Variants in NME7 observed in about 807,000 individuals in gnomAD.
NME7 encodes the protein nucleoside diphosphate kinase 7.
NME7 carries 41 observed loss-of-function variants against 49.1 expected under a neutral mutation model. That is an observed-to-expected ratio of 0.83 (90% CI 0.65 to 1.08). The LOEUF (loss-of-function observed/expected upper bound fraction) is 1.08. Among genes scored for constraint, NME7 ranks in the 50% least tolerant of loss-of-function variants. NME7 has a pLI of 0.00. For missense variants in NME7, 423 were observed against 463.4 expected (o/e 0.91, Z 0.80); for synonymous variants, 139 against 150.6 (o/e 0.92, Z 0.56).
chr1:169,249,625 T>C (rs1014151662), intron 7 of NME7, among the ~76,000 whole-genome samples: 1 of 152,130 alleles, frequency 6.6e-6, no homozygotes, highest in Non-Finnish European at 1.5e-5. Context: ...GTCTGTCATA[T>C]ATGGCTTTCA....
At chr1:169,145,811 A>G (rs186252585) in intron 11 of NME7, among the ~76,000 whole-genome samples, 24 of 152,350 alleles carry the variant, frequency 1.6e-4, no homozygotes, top group African/African-American at 5.5e-4. Flanking sequence ...CTAGAAACAA[A>G]AACAGCATCC....
At chr1:169,359,511 A>G (rs1252950493) in intron 1 of NME7, among the ~76,000 whole-genome samples, 2 of 152,028 alleles carry the variant, frequency 1.3e-5, no homozygotes, top group Admixed American at 6.6e-5. Context: ...TGACCAGGAT[A>G]TTACACAAAA....
At chr1:169,278,052 A>C (rs1649818349) in intron 7 of NME7, among the ~76,000 whole-genome samples, 2 of 151,744 alleles carry the variant, frequency 1.3e-5, no homozygotes, top group Admixed American at 1.3e-4. Flanking sequence ...CTGCCGAGAG[A>C]TCCGCTGTTA....
At position 169,261,379 on chromosome 1, in the gene NME7, G is replaced by C. The variant is rs1317580051; in HGVS notation, c.755-23692C>G. 2.2e-5 allele frequency among the ~76,000 whole-genome samples: 3 copies of C among 133,696 alleles called. 1 individual carries two copies. Among genetic ancestry groups the C allele is most frequent in the Non-Finnish European group, 5.3e-5 (3 of 56,876 alleles). The allele number at this position is 133,696 out of a possible 152,430, so 87.7% of individuals were successfully genotyped here. On this transcript the variant is annotated intron_variant, in intron 7 of 11. Transcript: ENST00000367811. ...TCAATCTAAGCACTGTCTAGCAACA[G>C]ATCAAGATTTACCGTTATTTTCATT...
In NME7 at chr1:169,256,977, C is replaced by T. The variant is rs1426234140; in HGVS notation, c.755-19290G>A. ...CACTGCTCTCTTCAAAGCTGTCAGA[C>T]AGCGACATTTAAGTCTGCAGAGGTT... On this transcript the variant is annotated intron_variant, in intron 7 of 11. Coordinates refer to ENST00000367811, the MANE Select transcript of NME7 (RefSeq NM_013330.5). Among the ~76,000 whole-genome samples, 2 of 125,948 alleles carry T rather than the reference C, an allele frequency of 1.6e-5. 1 individual carries two copies. Among genetic ancestry groups the T allele is most frequent in the Non-Finnish European group, 3.7e-5 (2 of 53,890 alleles). The allele number at this position is 125,948 out of a possible 152,430, so 82.6% of individuals were successfully genotyped here.
intron 7 of NME7, chr1:169,284,924 A>C (rs531589050): frequency 6.6e-6 from 1 of 152,270 alleles, no homozygotes; most frequent in South Asian, 2.1e-4. Context: ...GGATTAGATC[A>C]GGTAAATTGA....
intron 3 of NME7, chr1:169,322,453 A>C (rs1172085444): frequency 6.6e-6 from 1 of 152,148 alleles, no homozygotes; most frequent in Non-Finnish European, 1.5e-5. Context: ...CGATGACATA[A>C]ATTTATTCAT....
In NME7 at chr1:169,208,273, G is replaced by T. The variant is rs549106671; in HGVS notation, c.990+22445C>A. Among the ~76,000 whole-genome samples, 25 of 152,170 alleles carry T rather than the reference G, an allele frequency of 1.6e-4. No individual in the cohort carries two copies. In the South Asian group the frequency reaches 5.0e-3, roughly 30 times the overall value. ...CATAAATTCCTCTGGCTCAGCAAAG[G>T]TGTCTTGTTCATGTTTTCATTGCTA... On this transcript the variant is annotated intron_variant, in intron 10 of 11. Coordinates refer to ENST00000367811, the MANE Select transcript of NME7 (RefSeq NM_013330.5).
At chr1:169,266,998 G>A (rs1649037164) in intron 7 of NME7, among the ~76,000 whole-genome samples, 1 of 132,996 alleles carries the variant, frequency 7.5e-6, no homozygotes, top group Non-Finnish European at 1.8e-5. Context: ...AACCTGGGAG[G>A]TGGAGGTTGC....
chr1:169,250,848 C>T lies in NME7; in HGVS notation c.755-13161G>A, dbSNP rs181140078. ...TGTGGTCTGAGAAGATACCTGATAA[C>T]ATTTCGATTTTTAAAAATTTATAGA... On this transcript the variant is annotated intron_variant, in intron 7 of 11. Transcript: ENST00000367811. Among the ~76,000 whole-genome samples the T allele has an allele frequency of 3.0e-3, 455 of 152,038 alleles. 5 individuals are homozygous for T. The highest frequency in any genetic ancestry group is 3.0e-3 in the Non-Finnish European group (204 of 67,896).
chr1:169,367,171 AAAGAG>A (rs1653901136), intron 1 of NME7, among the ~76,000 whole-genome samples: 1 of 152,252 alleles, frequency 6.6e-6, no homozygotes, highest in Non-Finnish European at 1.5e-5. Context: ...AAAGAAAAGA[AAAGAG>A]AAAAGAAAAG....
intron 1 of NME7, among the ~76,000 whole-genome samples, chr1:169,330,801 C>G (rs1393956491): frequency 6.6e-6 from 1 of 151,966 alleles, no homozygotes; most frequent in African/African-American, 2.4e-5. Context: ...AGAAAAATAA[C>G]CAGATATATA....
At chr1:169,169,645 G>T in intron 10 of NME7, 91 bp from the exon 11 acceptor site, 1 of 1,129,340 alleles carries the variant, frequency 8.9e-7, no homozygotes. Flanking sequence ...ACTTATTTAT[G>T]AAATACATGT....
At chr1:169,221,296 ATT>A (rs1297437306) in intron 10 of NME7, among the ~76,000 whole-genome samples, 28 of 152,288 alleles carry the variant, frequency 1.8e-4, no homozygotes, top group Non-Finnish European at 1.5e-5. Flanking sequence ...TTAAAATCAA[ATT>A]ATGTCACTCT....
intron 1 of NME7, among the ~76,000 whole-genome samples, chr1:169,326,149 G>C (rs1443484944): frequency 6.6e-6 from 1 of 152,018 alleles, no homozygotes; most frequent in African/African-American, 2.4e-5. Flanking sequence ...CACGAAACCT[G>C]GTACTTCCAT....
At chr1:169,224,105 T>A (rs1661229747) in intron 10 of NME7, among the ~76,000 whole-genome samples, 1 of 152,204 alleles carries the variant, frequency 6.6e-6, no homozygotes, top group Non-Finnish European at 1.5e-5. Flanking sequence ...CAGGCTTCAA[T>A]ATCCTGACCC....
rs543595140 is a variant in NME7 at position 169,158,322 on chromosome 1, A to G, written c.1098+11125T>C. Among the ~76,000 whole-genome samples, 30 of 152,372 alleles carry G rather than the reference A, an allele frequency of 2.0e-4. 1 individual carries two copies. The highest frequency in any genetic ancestry group is 6.7e-4 in the African/African-American group (28 of 41,590). ...AATAAAATAGCATAATTATAACAAT[A>G]TACTGTAATATTTCCTCATACTACT... On this transcript the variant is annotated intron_variant, in intron 11 of 11. Coordinates refer to ENST00000367811, the MANE Select transcript of NME7 (RefSeq NM_013330.5).
chr1:169,240,829 T>C (rs1378883786), intron 7 of NME7, among the ~76,000 whole-genome samples: 6 of 152,126 alleles, frequency 3.9e-5, no homozygotes, highest in Non-Finnish European at 8.8e-5. Flanking sequence ...CTGAAAGTGG[T>C]GAATACAGTT....
At chr1:169,156,660 A>G (rs1202828004) in intron 11 of NME7, among the ~76,000 whole-genome samples, 2 of 152,234 alleles carry the variant, frequency 1.3e-5, no homozygotes, top group African/African-American at 2.4e-5. Context: ...AAGGCAGCCT[A>G]TCTGAAGAAA....
Sources: allele counts gnomAD v4.1 joint callset (sites outside exome capture counted in the v4.1 genomes callset), GRCh38; gene constraint gnomAD v4.1.1; transcripts MANE v1.5; gene names NCBI Gene and HGNC (gene_info 2026-07-23, HGNC 2026-07-21).